Variants in LIN7A observed in about 807,000 individuals in gnomAD.
LIN7A encodes protein lin-7 homolog A.
In LIN7A, 25 loss-of-function variants were observed where a neutral mutation model predicts 29.8. The ratio of observed to expected loss-of-function variants is 0.84; its 90% CI spans 0.61 to 1.17. The LOEUF is 1.17. LIN7A is among the 50% of genes most tolerant of loss of function. LIN7A has a pLI of 0.00. For synonymous variants in LIN7A, 118 were observed against 107.5 expected, an observed-to-expected ratio of 1.10 and a Z score of -0.60; for missense variants, 239 against 287.0, an observed-to-expected ratio of 0.83 and a Z score of 1.21.
At chr12:80,798,488 G>A (rs926901520) in intron 5 of LIN7A, among the ~76,000 whole-genome samples, 10 of 152,134 alleles carry the variant, frequency 6.6e-5, no homozygotes, top group Admixed American at 4.6e-4. Flanking sequence ...GGGGCCTACT[G>A]AGTGGATTGA....
intron 2 of LIN7A, among the ~76,000 whole-genome samples, chr12:80,856,048 T>C (rs1196689388): frequency 2.0e-5 from 3 of 152,088 alleles, no homozygotes; most frequent in Admixed American, 6.6e-5. Flanking sequence ...TCCTATAAAC[T>C]AAAAAATTTA....
At chr12:80,886,042 A>G (rs1875309117) in intron 2 of LIN7A, among the ~76,000 whole-genome samples, 1 of 152,054 alleles carries the variant, frequency 6.6e-6, no homozygotes, top group African/African-American at 2.4e-5. Context: ...TGGTGAGTGC[A>G]ACTAAGAATG....
intron 4 of LIN7A, among the ~76,000 whole-genome samples, chr12:80,822,221 A>G (rs1871840343): frequency 1.3e-5 from 2 of 152,216 alleles, no homozygotes; most frequent in Non-Finnish European, 2.9e-5. Flanking sequence ...GAAACTGCTT[A>G]TAAAACCATC....
intron 2 of LIN7A, among the ~76,000 whole-genome samples, chr12:80,869,278 C>G (rs1874305668): frequency 6.6e-6 from 1 of 151,966 alleles, no homozygotes; most frequent in Admixed American, 6.6e-5. Context: ...CTCATGTTGA[C>G]AGTTTAAGAT....
At chr12:80,810,174 C>T (rs192874677) in intron 5 of LIN7A, among the ~76,000 whole-genome samples, 1 of 152,274 alleles carries the variant, frequency 6.6e-6, no homozygotes, top group Admixed American at 6.5e-5. Flanking sequence ...TTTTCTCTGT[C>T]TACCCTCCTC....
rs1565883778 is a variant in LIN7A at position 80,807,074 on chromosome 12, T to TG, written c.*4390_*4391insC. 4.2e-4 allele frequency among the ~76,000 whole-genome samples: 20 copies of TG among 47,060 alleles called. No individual in the cohort carries two copies. The East Asian group carries it at 5.1e-3, about 12-fold the overall frequency. The allele number at this position is 47,060 out of a possible 152,430, so 30.9% of individuals were successfully genotyped here. A position where few individuals can be genotyped will look rare whatever the true frequency, so the allele number is the denominator to read the frequency against. On this transcript the variant is annotated intron_variant, in intron 5 of 5. Coordinates refer to ENST00000552864, the MANE Select transcript of LIN7A (RefSeq NM_004664.4). ...TTAATGAAGATGGAGTTTTTTTTTT[T>TG]TTTTTTTTTTTTTTTTTGACGGAGT...
chr12:80,821,187 T>C (rs141299048), intron 4 of LIN7A, among the ~76,000 whole-genome samples: 2 of 152,284 alleles, frequency 1.3e-5, no homozygotes, highest in Non-Finnish European at 2.9e-5. Flanking sequence ...AGGCCAGGGA[T>C]TGGGGTCAGG....
At chr12:80,878,595 A>G (rs910495447) in intron 2 of LIN7A, among the ~76,000 whole-genome samples, 22 of 152,204 alleles carry the variant, frequency 1.4e-4, no homozygotes, top group Admixed American at 5.9e-4. Flanking sequence ...ATACTTCCAC[A>G]GTACGGAAAG....
intron 3 of LIN7A, 106 bp from the exon 4 acceptor site, chr12:80,846,045 A>C: frequency 1.1e-6 from 1 of 922,826 alleles, no homozygotes; most frequent in Non-Finnish European, 1.5e-6. Context: ...ATATTTTTAT[A>C]GTATTCTCCT....
At chr12:80,812,828 G>T (rs1871356566) in intron 4 of LIN7A, among the ~76,000 whole-genome samples, 1 of 152,108 alleles carries the variant, frequency 6.6e-6, no homozygotes, top group Non-Finnish European at 1.5e-5. Context: ...TGGGAGTACA[G>T]GCATGAGCCA....
chr12:80,928,309 T>C (rs567371843), intron 1 of LIN7A, among the ~76,000 whole-genome samples: 5 of 152,264 alleles, frequency 3.3e-5, no homozygotes, highest in South Asian at 2.1e-4. Flanking sequence ...GTTGAACCAA[T>C]TTACACTCCC....
chr12:80,858,178 TTCCAAAGTAAATAGAATA>T (rs1873695561), intron 2 of LIN7A, among the ~76,000 whole-genome samples: 1 of 152,184 alleles, frequency 6.6e-6, no homozygotes, highest in African/African-American at 2.4e-5. Context: ...ACACTTAATT[TTCCAAAGTAAATAGAATA>T]TACTTTGCTC....
chr12:80,843,525 C>T (rs747414190), intron 4 of LIN7A, among the ~76,000 whole-genome samples: 1 of 152,098 alleles, frequency 6.6e-6, no homozygotes, highest in Non-Finnish European at 1.5e-5. Context: ...GCAGAGTTTG[C>T]CATAAGACTT....
chr12:80,802,599 A>T (rs1172672644), intron 5 of LIN7A, among the ~76,000 whole-genome samples: 4 of 151,524 alleles, frequency 2.6e-5, no homozygotes. Flanking sequence ...GTGCACAAGG[A>T]TTCCTCTTAC....
intron 2 of LIN7A, among the ~76,000 whole-genome samples, chr12:80,854,800 GA>G (rs1374476267): frequency 6.6e-6 from 1 of 151,960 alleles, no homozygotes; most frequent in Non-Finnish European, 1.5e-5. Flanking sequence ...TATTTTTTAA[GA>G]CATAGGAAAG....
intron 4 of LIN7A, among the ~76,000 whole-genome samples, chr12:80,825,931 T>A (rs1872057579): frequency 6.6e-6 from 1 of 152,154 alleles, no homozygotes; most frequent in Admixed American, 6.6e-5. Context: ...CAGGGGGAAA[T>A]ACAGCAAATC....
chr12:80,868,226 A>G (rs1383392335), intron 2 of LIN7A, among the ~76,000 whole-genome samples: 3 of 152,178 alleles, frequency 2.0e-5, no homozygotes, highest in African/African-American at 7.2e-5. Context: ...CCAGCATGTC[A>G]CTGTTTGCAT....
intron 4 of LIN7A, among the ~76,000 whole-genome samples, chr12:80,822,774 G>A (rs1455761516): frequency 6.6e-6 from 1 of 152,080 alleles, no homozygotes; most frequent in Non-Finnish European, 1.5e-5. Flanking sequence ...AGCACAAAGA[G>A]CCAGGGTGCC....
intron 1 of LIN7A, among the ~76,000 whole-genome samples, chr12:80,890,560 G>T (rs1875570025): frequency 2.6e-5 from 4 of 152,152 alleles, no homozygotes; most frequent in Admixed American, 2.6e-4. Flanking sequence ...TCTGGGTGGG[G>T]TTAGCATAGG....
Sources: allele counts gnomAD v4.1 joint callset (sites outside exome capture counted in the v4.1 genomes callset), GRCh38; gene constraint gnomAD v4.1.1; transcripts MANE v1.5; gene names NCBI Gene and HGNC (gene_info 2026-07-23, HGNC 2026-07-21).